ATP6V1A: variants seen among roughly 807,000 people sequenced by gnomAD.
ATP6V1A encodes the protein ATPase H+ transporting V1 subunit A.
ATP6V1A carries 18 observed loss-of-function variants against 70.1 expected under a neutral mutation model. The observed-to-expected ratio is 0.26, with a 90% confidence interval of 0.18 to 0.38. ATP6V1A has a LOEUF of 0.38. ATP6V1A is among the 10% of genes least tolerant of loss of function. ATP6V1A has a pLI of 1.00. For missense variants in ATP6V1A, 424 were observed against 772.4 expected (o/e 0.55, Z 5.35); for synonymous variants, 232 against 253.8 (o/e 0.91, Z 0.82).
chr3:113,767,887 G>A (rs1279072669), intron 1 of ATP6V1A, among the ~76,000 whole-genome samples: 3 of 152,076 alleles, frequency 2.0e-5, no homozygotes, highest in East Asian at 1.9e-4. Context: ...TCCTGATCTC[G>A]TGACCCACTG....
Position 113,784,268 on chromosome 3 carries a change from C to G in ATP6V1A, c.256C>G (p.Leu86Val). ...GDPVLRTGKP[L>V]SVELGPGIMG... ...TCCTGTACTTCGCACTGGTAAACCC[C>G]TCTCTGTAGAGCTTGGTCCTGGCAT... Residue 86 changes from leucine (L) to valine (V), a missense_variant, in exon 4 of 15, where the codon CTC becomes GTC. Leu to Val is a conservative substitution (Grantham distance 32, BLOSUM62 1). Transcript: ENST00000273398. 1 of 1,614,186 alleles carries G rather than the reference C, an allele frequency of 6.2e-7. No individual in the cohort carries two copies. Among genetic ancestry groups the G allele is most frequent in the Non-Finnish European group, 8.5e-7 (1 of 1,180,016 alleles).
chr3:113,765,114 T>C (rs1024140002), intron 1 of ATP6V1A, among the ~76,000 whole-genome samples: 1 of 152,132 alleles, frequency 6.6e-6, no homozygotes, highest in African/African-American at 2.4e-5. Context: ...CTATTTTTAA[T>C]AGTAGCAAAG....
At chr3:113,809,036 G>A (rs550153887) in intron 14 of ATP6V1A, among the ~76,000 whole-genome samples, 153 of 152,118 alleles carry the variant, frequency 1.0e-3, no homozygotes, top group African/African-American at 3.1e-3. Flanking sequence ...GATCACTTGA[G>A]ATCAGGAGTT....
rs1165803165 is a variant in ATP6V1A at position 113,786,310 on chromosome 3, CG to C, written c.644del (p.Arg215HisfsTer14). 1.2e-6 allele frequency: 2 copies of C among 1,613,180 alleles called. No homozygotes were observed. The highest frequency in any genetic ancestry group is 1.7e-6 in the Non-Finnish European group (2 of 1,179,556). On this transcript the variant is annotated frameshift_variant, in exon 6 of 15. Transcript: ENST00000273398. LOFTEE classifies it high-confidence loss of function. ...GCAAGTATGGCCTGTACGTCAAGTT[CG>C]ACCTGTCACTGAGAAGCTGCCAGCC... ...MVQVWPVRQVRPVTEKLPANH... is the reference protein window; with the variant it reads ...MVQVWPVRQVXPVTEKLPANH...
At chr3:113,789,631 C>A in intron 7 of ATP6V1A, 101 bp from the exon 8 acceptor site, 1 of 738,450 alleles carries the variant, frequency 1.4e-6, no homozygotes, top group Non-Finnish European at 2.2e-6. Flanking sequence ...TTGTAAGAGG[C>A]ATTAAATATG....
chr3:113,791,120 A>G (rs1248822427), intron 8 of ATP6V1A, among the ~76,000 whole-genome samples: 1 of 152,134 alleles, frequency 6.6e-6, no homozygotes, highest in Non-Finnish European at 1.5e-5. Context: ...AGAAAATTGC[A>G]TCTGAAACTT....
intron 2 of ATP6V1A, chr3:113,780,738 C>T: frequency 7.7e-7 from 1 of 1,299,072 alleles, no homozygotes; most frequent in Non-Finnish European, 1.0e-6. Context: ...AAAGCCTTCA[C>T]TCCATGTATC....
chr3:113,787,268 C>T lies in ATP6V1A; in HGVS notation c.716+885C>T, dbSNP rs1191741973. Among the ~76,000 whole-genome samples, 8 of 152,160 alleles carry T rather than the reference C, an allele frequency of 5.3e-5. 1 individual carries two copies. Among genetic ancestry groups the T allele is most frequent in the Admixed American group, 5.2e-4 (8 of 15,274 alleles). On this transcript the variant is annotated intron_variant, in intron 6 of 14. Transcript: ENST00000273398. ...GTGAAGGAAATCTCTGTAGTCATCA[C>T]GGGATCCAGGGGATCAGTTTAGTCC...
At chr3:113,764,131 G>A (rs958167070) in intron 1 of ATP6V1A, among the ~76,000 whole-genome samples, 10 of 152,104 alleles carry the variant, frequency 6.6e-5, no homozygotes, top group Non-Finnish European at 1.3e-4. Flanking sequence ...CAGTAAGGGA[G>A]GCTAAGGCAG....
intron 2 of ATP6V1A, among the ~76,000 whole-genome samples, chr3:113,780,156 G>A (rs1310450726): frequency 3.3e-5 from 5 of 151,922 alleles, no homozygotes; most frequent in South Asian, 2.1e-4. Flanking sequence ...TTAAGTAGTC[G>A]GCATAGAGGT....
intron 1 of ATP6V1A, among the ~76,000 whole-genome samples, chr3:113,776,881 C>T (rs1451539583): frequency 6.6e-6 from 1 of 152,202 alleles, no homozygotes; most frequent in Non-Finnish European, 1.5e-5. Context: ...TATTGGCACC[C>T]CCGCTACCCT....
At chr3:113,770,676 C>G (rs1708828630) in intron 1 of ATP6V1A, among the ~76,000 whole-genome samples, 1 of 151,008 alleles carries the variant, frequency 6.6e-6, no homozygotes, top group Non-Finnish European at 1.5e-5. Flanking sequence ...GAGACTCTGT[C>G]TTAAAAAAAA....
rs1233286633 is a variant in ATP6V1A, at chr3:113,778,817, C to T, written c.64C>T (p.His22Tyr). ...TAAAGAAAGCACATTTGGTTATGTG[C>T]ATGGGGTCTCAGGACCTGGTAAGTA... ...EDKESTFGYVHGVSGPVVTAC... is the reference protein window; with the variant it reads ...EDKESTFGYVYGVSGPVVTAC... The change falls in exon 2 of 15, where the codon CAT becomes TAT. Residue 22 changes from histidine (H) to tyrosine (Y), a missense_variant. Physicochemically the swap from His to Tyr is moderately conservative, Grantham distance 83. This residue lies in a region of ATP6V1A where 31 missense variants were observed against 78.6 expected (regional missense o/e 0.39). Transcript: ENST00000273398. 6.3e-7 allele frequency: 1 copy of T among 1,583,424 alleles called. No individual in the cohort carries two copies. The highest frequency in any genetic ancestry group is 8.6e-7 in the Non-Finnish European group (1 of 1,166,312).
chr3:113,759,589 A>T (rs1185777677), intron 1 of ATP6V1A, among the ~76,000 whole-genome samples: 1 of 151,928 alleles, frequency 6.6e-6, no homozygotes, highest in Non-Finnish European at 1.5e-5. Context: ...AATAAATTGA[A>T]TCTAATTTAA....
At chr3:113,785,675 A>ATT (rs1206591270) in intron 5 of ATP6V1A, among the ~76,000 whole-genome samples, 1 of 140,898 alleles carries the variant, frequency 7.1e-6, no homozygotes, top group African/African-American at 2.6e-5. Flanking sequence ...TGCCCAGTTA[A>ATT]TTTTTTTTTT....
At chr3:113,802,597 G>T (rs1415469196) in intron 12 of ATP6V1A, among the ~76,000 whole-genome samples, 1 of 151,766 alleles carries the variant, frequency 6.6e-6, no homozygotes, top group Non-Finnish European at 1.5e-5. Flanking sequence ...AAAGTGCTGG[G>T]ATTATAGGTG....
chr3:113,785,649 C>T lies in ATP6V1A; in HGVS notation c.565-583C>T, dbSNP rs372619440. ...TCAGCCTCCCAAGTACCTGGGACCACGGGCACATGCCACCATGCCCAGTTA... is the reference window on the plus strand; with the variant it reads ...TCAGCCTCCCAAGTACCTGGGACCATGGGCACATGCCACCATGCCCAGTTA... On this transcript the variant is annotated intron_variant, in intron 5 of 14. Transcript: ENST00000273398. Among the ~76,000 whole-genome samples the T allele has an allele frequency of 1.7e-3, 259 of 150,072 alleles. 2 individuals carry two copies. The highest frequency in any genetic ancestry group is 0.01 in the South Asian group (48 of 4,724).
intron 2 of ATP6V1A, 173 bp downstream of exon 2, chr3:113,779,008 C>T (rs1708950331): frequency 2.4e-6 from 1 of 408,614 alleles, no homozygotes; most frequent in African/African-American, 2.1e-5. Context: ...CATAAGGGCT[C>T]ATCTAGCATT....
intron 2 of ATP6V1A, 81 bp from the exon 3 acceptor site, chr3:113,780,969 T>TA (rs2108027030): frequency 6.7e-7 from 1 of 1,498,844 alleles, no homozygotes; most frequent in East Asian, 2.3e-5. Flanking sequence ...ATACTGGGTT[T>TA]ATTGGGTGTT....
Sources: gnomAD v4.1 joint callset for allele counts (sites outside exome capture counted in the v4.1 genomes callset) on GRCh38, gnomAD v4.1.1 for gene constraint, gnomAD v4.1.1 regional missense constraint, MANE v1.5 for transcripts, NCBI Gene and HGNC (gene_info 2026-07-23, HGNC 2026-07-21) for gene names.